ANO6: variants seen among roughly 807,000 people sequenced by gnomAD.
ANO6 encodes the protein anoctamin 6.
Under a neutral mutation model 117.5 loss-of-function variants are expected in ANO6, and 106 were observed. That is an observed-to-expected ratio of 0.90 (90% CI 0.77 to 1.06). The LOEUF (loss-of-function observed/expected upper bound fraction) is 1.06. Among genes scored for constraint, ANO6 ranks in the 50% least tolerant of loss-of-function variants. ANO6 has a pLI of 0.00. For synonymous variants in ANO6, 367 were observed against 385.1 expected, an observed-to-expected ratio of 0.95 and a Z score of 0.55; for missense variants, 955 against 1,121.1, an observed-to-expected ratio of 0.85 and a Z score of 2.12.
At chr12:45,369,080 GAAATT>G (rs1941757980) in intron 9 of ANO6, among the ~76,000 whole-genome samples, 1 of 152,190 alleles carries the variant, frequency 6.6e-6, no homozygotes, top group Non-Finnish European at 1.5e-5. Flanking sequence ...CTCTGTTTGA[GAAATT>G]GTTTCACTAC....
intron 1 of ANO6, among the ~76,000 whole-genome samples, chr12:45,219,758 G>A (rs1475899545): frequency 6.6e-6 from 1 of 152,190 alleles, no homozygotes; most frequent in Non-Finnish European, 1.5e-5. Flanking sequence ...GTTACAGCCA[G>A]CAGAAATTAT....
chr12:45,260,782 A>G (rs1937999563), intron 1 of ANO6, among the ~76,000 whole-genome samples: 1 of 151,664 alleles, frequency 6.6e-6, no homozygotes, highest in Non-Finnish European at 1.5e-5. Context: ...TTTTATTTTT[A>G]TTTTTATTTA....
At chr12:45,354,469 ACAGGAAATG>A (rs1230064484) in intron 7 of ANO6, among the ~76,000 whole-genome samples, 4 of 152,080 alleles carry the variant, frequency 2.6e-5, no homozygotes, top group Non-Finnish European at 4.4e-5. Flanking sequence ...GAGTTAGTAA[ACAGGAAATG>A]CAGGAAATGC....
rs139446480 is a variant in ANO6 at position 45,253,157 on chromosome 12, G to A, written c.70+36766G>A. On this transcript the variant is annotated intron_variant, in intron 1 of 19. Transcript: ENST00000320560. ...TATATCATGATCATTGCAGGGAGCA[G>A]GGAACATTCTGTAATTCAGGCTATT... 1.7e-4 allele frequency among the ~76,000 whole-genome samples: 26 copies of A among 152,294 alleles called. No individual in the cohort carries two copies. The East Asian group carries it at 5.0e-3, about 29-fold the overall frequency.
At chr12:45,428,323 C>A (rs1481010653) in intron 19 of ANO6, among the ~76,000 whole-genome samples, 2 of 152,258 alleles carry the variant, frequency 1.3e-5, no homozygotes, top group East Asian at 1.9e-4. Context: ...TAGTTTTGAA[C>A]AAAAGGTGGC....
intron 1 of ANO6, among the ~76,000 whole-genome samples, chr12:45,234,268 C>T (rs1947614086): frequency 6.6e-6 from 1 of 152,186 alleles, no homozygotes; most frequent in Admixed American, 6.5e-5. Flanking sequence ...CACATTCATT[C>T]TGAGGATTAT....
In ANO6 at chr12:45,431,015, C is replaced by T. The variant is rs1943619031; in HGVS notation, c.*1704C>T. The T allele has an allele frequency of 6.1e-6, 6 of 985,284 alleles. No homozygotes were observed. In the South Asian group the frequency reaches 2.3e-4, roughly 39 times the overall value. The allele number at this position is 985,284 out of a possible 1,614,324, so 61.0% of individuals were successfully genotyped here. A position where few individuals can be genotyped will look rare whatever the true frequency, so the allele number is the denominator to read the frequency against. The stretch of plus-strand genomic sequence containing the variant: ...ACAATAAAGTAGCGTAACTCTAGGT[C>T]ATGATTGATTTCAAATGCCTGCCAT... On this transcript the variant is annotated 3_prime_UTR_variant, in exon 20 of 20. Transcript: ENST00000320560.
chr12:45,272,544 A>G (rs73275021), intron 1 of ANO6, among the ~76,000 whole-genome samples: 2,176 of 152,328 alleles, frequency 0.014, 40 homozygotes, highest in African/African-American at 0.048. Flanking sequence ...ATAAGAAGAG[A>G]GAATTCTCCA....
At chr12:45,317,935 A>C (rs142566090) in intron 2 of ANO6, among the ~76,000 whole-genome samples, 9 of 152,038 alleles carry the variant, frequency 5.9e-5, no homozygotes, top group Non-Finnish European at 1.3e-4. Flanking sequence ...GAGAAGTGTC[A>C]GTTCATATCC....
At chr12:45,311,348 C>T (rs1441118096) in intron 2 of ANO6, among the ~76,000 whole-genome samples, 4 of 151,990 alleles carry the variant, frequency 2.6e-5, no homozygotes, top group East Asian at 3.9e-4. Context: ...AACGAAGCTC[C>T]GTGTGAATTG....
rs138879597 is a variant in ANO6 at position 45,255,207 on chromosome 12, T to G, written c.70+38816T>G. ...CAAGTGTTTTACATGTTTGAGGCCC[T>G]TAATCTTGGTCACCTTTAAATACTT... On this transcript the variant is annotated intron_variant, in intron 1 of 19. Coordinates refer to ENST00000320560, the MANE Select transcript of ANO6 (RefSeq NM_001025356.3). 2.6e-5 allele frequency among the ~76,000 whole-genome samples: 4 copies of G among 152,352 alleles called. No homozygotes were observed. The East Asian group carries it at 7.7e-4, about 29-fold the overall frequency.
intron 1 of ANO6, among the ~76,000 whole-genome samples, chr12:45,276,506 T>C (rs1338962731): frequency 6.6e-6 from 1 of 152,096 alleles, no homozygotes; most frequent in Non-Finnish European, 1.5e-5. Flanking sequence ...TGCATGCTCT[T>C]TTTTTTAGCC....
At chr12:45,284,831 A>G (rs572984079) in intron 1 of ANO6, among the ~76,000 whole-genome samples, 1 of 152,238 alleles carries the variant, frequency 6.6e-6, no homozygotes, top group Non-Finnish European at 1.5e-5. Flanking sequence ...GGACAAGGAC[A>G]AAAGCAGGCC....
intron 1 of ANO6, among the ~76,000 whole-genome samples, chr12:45,234,452 G>A (rs1204327445): frequency 2.6e-5 from 4 of 151,992 alleles, no homozygotes; most frequent in Non-Finnish European, 4.4e-5. Context: ...TGTTAGTCTC[G>A]TTTGGTAACT....
intron 1 of ANO6, among the ~76,000 whole-genome samples, chr12:45,281,802 AAG>A (rs1938745977): frequency 6.6e-6 from 1 of 152,254 alleles, no homozygotes; most frequent in Non-Finnish European, 1.5e-5. Context: ...TCCTAATGGG[AAG>A]CTATTAAAGT....
At chr12:45,334,156 A>G (rs906613809) in intron 3 of ANO6, among the ~76,000 whole-genome samples, 4 of 152,094 alleles carry the variant, frequency 2.6e-5, no homozygotes. Context: ...AGCATAAACC[A>G]TTTACATTTA....
At chr12:45,330,987 A>T (rs1234875160) in intron 2 of ANO6, among the ~76,000 whole-genome samples, 1 of 151,840 alleles carries the variant, frequency 6.6e-6, no homozygotes, top group Non-Finnish European at 1.5e-5. Context: ...TTCGTTTTCA[A>T]TCTTGATATG....
intron 2 of ANO6, among the ~76,000 whole-genome samples, chr12:45,321,945 A>T (rs1940288438): frequency 6.6e-6 from 1 of 152,154 alleles, no homozygotes; most frequent in Non-Finnish European, 1.5e-5. Flanking sequence ...TCTTAAGGGA[A>T]GTGACAACTT....
chr12:45,333,095 G>A (rs202131948), intron 3 of ANO6, among the ~76,000 whole-genome samples: 6 of 151,626 alleles, frequency 4.0e-5, no homozygotes, highest in Non-Finnish European at 7.4e-5. Context: ...TGGCATCTTA[G>A]ATTCAGGGAA....
Sources: allele counts gnomAD v4.1 joint callset (sites outside exome capture counted in the v4.1 genomes callset), GRCh38; gene constraint gnomAD v4.1.1; transcripts MANE v1.5; gene names NCBI Gene and HGNC (gene_info 2026-07-23, HGNC 2026-07-21).